SLC25A48: variants seen among roughly 807,000 people sequenced by gnomAD.
SLC25A48 encodes CTC-321K16.1.
A neutral mutation model predicts 32.2 loss-of-function variants in SLC25A48; 29 were observed. The observed-to-expected ratio is 0.90, with a 90% confidence interval of 0.67 to 1.23. The LOEUF is 1.23. SLC25A48 is among the 50% of genes most tolerant of loss of function. SLC25A48 has a pLI of 0.00. For missense variants in SLC25A48, 399 were observed against 422.7 expected (o/e 0.94, Z 0.49); for synonymous variants, 164 against 172.3 (o/e 0.95, Z 0.38).
intron 3 of SLC25A48, among the ~76,000 whole-genome samples, chr5:135,789,098 C>A: frequency 6.7e-6 from 1 of 149,332 alleles, no homozygotes; most frequent in East Asian, 2.0e-4. Flanking sequence ...AGAGGTATTA[C>A]TTCCTATGTG....
In SLC25A48 at chr5:135,879,341, A is replaced by G. The variant is rs550880416; in HGVS notation, c.814-627A>G. Among the ~76,000 whole-genome samples, 119 of 152,278 alleles carry G rather than the reference A, an allele frequency of 7.8e-4. 1 individual carries two copies. Among genetic ancestry groups the G allele is most frequent in the African/African-American group, 2.5e-3 (105 of 41,554 alleles). On this transcript the variant is annotated intron_variant, in intron 6 of 7. Transcript: ENST00000681962. ...CCTCATCTCATTTAGTCCCTCCAAC[A>G]TTCTTATCAGGTCAATTCTATTATT...
At chr5:135,873,668 A>G (rs1353568243) in intron 5 of SLC25A48, among the ~76,000 whole-genome samples, 1 of 152,182 alleles carries the variant, frequency 6.6e-6, no homozygotes, top group African/African-American at 2.4e-5. Context: ...TCTTTCTCCA[A>G]TAAAAACTGC....
At chr5:135,805,662 C>T (rs376423945) in intron 3 of SLC25A48, among the ~76,000 whole-genome samples, 4 of 151,718 alleles carry the variant, frequency 2.6e-5, no homozygotes, top group South Asian at 4.2e-4. Context: ...AGTGGAGGTA[C>T]ACCCTGTGAT....
chr5:135,648,901 C>T (rs1041879443), intron 3 of SLC25A48: 2 of 152,294 alleles, frequency 1.3e-5, no homozygotes, highest in Non-Finnish European at 2.9e-5. Flanking sequence ...TCATTATGCC[C>T]CTGGGGGCCT....
chr5:135,886,388 CAATG>C (rs1420453446), intron 7 of SLC25A48, among the ~76,000 whole-genome samples: 1 of 149,546 alleles, frequency 6.7e-6, no homozygotes, highest in African/African-American at 2.5e-5. Flanking sequence ...ACCTGGGCTG[CAATG>C]AATGAAACTC....
chr5:135,882,041 C>T (rs368237785), intron 7 of SLC25A48, among the ~76,000 whole-genome samples: 2 of 152,246 alleles, frequency 1.3e-5, no homozygotes, highest in East Asian at 1.9e-4. Context: ...AAATTTCTAG[C>T]TACCCAATCA....
At chr5:135,604,996 C>G (rs1484136996) in intron 1 of SLC25A48, among the ~76,000 whole-genome samples, 1 of 152,128 alleles carries the variant, frequency 6.6e-6, no homozygotes, top group Non-Finnish European at 1.5e-5. Context: ...AGAGTAAGTG[C>G]TATGTAGGTG....
rs184905525 is a variant in SLC25A48 at position 135,857,918 on chromosome 5, C to T, written c.421+5097C>T. Among the ~76,000 whole-genome samples the T allele has an allele frequency of 7.9e-3, 1,196 of 152,106 alleles. 13 individuals carry two copies. Among genetic ancestry groups the T allele is most frequent in the Non-Finnish European group, 0.013 (888 of 67,980 alleles). On this transcript the variant is annotated intron_variant, in intron 4 of 7. Coordinates refer to ENST00000681962, the MANE Select transcript of SLC25A48 (RefSeq NM_001349336.2). ...GGATCCTTAAAGGGCCTTAAAGGGC[C>T]CTTTACCACCTGGCACCTGTCCTTA...
chr5:135,883,149 G>A, intron 7 of SLC25A48: 1 of 985,478 alleles, frequency 1.0e-6, no homozygotes, highest in Non-Finnish European at 1.2e-6. Flanking sequence ...TCCACCAGGT[G>A]GGCTTTCAGC....
chr5:135,598,949 G>T (rs1751722561), intron 1 of SLC25A48, among the ~76,000 whole-genome samples: 1 of 152,254 alleles, frequency 6.6e-6, no homozygotes, highest in Non-Finnish European at 1.5e-5. Context: ...GAGTGCAGCT[G>T]GGCTGGATTC....
intron 4 of SLC25A48, among the ~76,000 whole-genome samples, chr5:135,860,401 G>A (rs1429801092): frequency 6.6e-6 from 1 of 152,202 alleles, no homozygotes; most frequent in Non-Finnish European, 1.5e-5. Context: ...TGATGTGTAA[G>A]CTTCAGTGTC....
rs761484790 is a variant in SLC25A48 at position 135,871,964 on chromosome 5, C to T, written c.679+246C>T. 3 of 1,414,766 alleles carry T rather than the reference C, an allele frequency of 2.1e-6. No individual in the cohort carries two copies. In the African/African-American group the frequency reaches 4.3e-5, roughly 20 times the overall value. The allele number at this position is 1,414,766 out of a possible 1,614,324, so 87.6% of individuals were successfully genotyped here. ...TCAGGCAACAGATATATTTTGAACA[C>T]ATACTCTGTGTCAGGCATTACTAAG... On this transcript the variant is annotated intron_variant, in intron 5 of 7. Coordinates refer to ENST00000681962, the MANE Select transcript of SLC25A48 (RefSeq NM_001349336.2).
intron 4 of SLC25A48, among the ~76,000 whole-genome samples, chr5:135,817,946 G>C (rs1757768661): frequency 1.3e-5 from 2 of 152,044 alleles, no homozygotes; most frequent in Admixed American, 6.5e-5. Context: ...CTAGCTACCC[G>C]AGAACTCTAA....
At chr5:135,807,387 ATAT>A (rs1375041839) in intron 3 of SLC25A48, among the ~76,000 whole-genome samples, 21 of 150,828 alleles carry the variant, frequency 1.4e-4, no homozygotes, top group East Asian at 6.0e-4. Context: ...GATATTTAAA[ATAT>A]TATGGATATT....
intron 3 of SLC25A48, among the ~76,000 whole-genome samples, chr5:135,678,658 A>AT (rs1561787014): frequency 6.6e-6 from 1 of 151,802 alleles, no homozygotes; most frequent in African/African-American, 2.4e-5. Flanking sequence ...ACTTTTTCCA[A>AT]TTTTTCAAAT....
At chr5:135,691,093 G>C (rs1754133412) in intron 3 of SLC25A48, among the ~76,000 whole-genome samples, 1 of 152,230 alleles carries the variant, frequency 6.6e-6, no homozygotes, top group Non-Finnish European at 1.5e-5. Flanking sequence ...CAAGTATCAA[G>C]TAATGAGCTT....
At chr5:135,748,512 G>C (rs1279870082) in intron 3 of SLC25A48, among the ~76,000 whole-genome samples, 2 of 152,072 alleles carry the variant, frequency 1.3e-5, no homozygotes, top group African/African-American at 4.8e-5. Flanking sequence ...GACCTCAGTT[G>C]ATCCGCCTGC....
At chr5:135,669,242 T>C in intron 3 of SLC25A48, among the ~76,000 whole-genome samples, 1 of 152,186 alleles carries the variant, frequency 6.6e-6, no homozygotes, top group East Asian at 1.9e-4. Flanking sequence ...GCCTGAGCAT[T>C]CAGCCTCTGT....
chr5:135,723,161 G>A (rs1561463697), intron 3 of SLC25A48, among the ~76,000 whole-genome samples: 1 of 152,190 alleles, frequency 6.6e-6, no homozygotes, highest in Non-Finnish European at 1.5e-5. Context: ...TCCAAAGTCT[G>A]GCGCCCCAGA....
Sources: allele counts gnomAD v4.1 joint callset (sites outside exome capture counted in the v4.1 genomes callset), GRCh38; gene constraint gnomAD v4.1.1; transcripts MANE v1.5; gene names NCBI Gene and HGNC (gene_info 2026-07-23, HGNC 2026-07-21).